ZSWIM5: variants seen among roughly 807,000 people sequenced by gnomAD.
ZSWIM5 encodes the protein zinc finger SWIM domain-containing protein 5.
A neutral mutation model predicts 119.6 loss-of-function variants in ZSWIM5; 55 were observed. The ratio of observed to expected loss-of-function variants is 0.46; its 90% CI spans 0.37 to 0.58. ZSWIM5 has a LOEUF of 0.58. Among genes scored for constraint, ZSWIM5 ranks in the 20% least tolerant of loss-of-function variants. The pLI is 0.00. For synonymous variants in ZSWIM5, 537 were observed against 606.9 expected, an observed-to-expected ratio of 0.88 and a Z score of 1.69; for missense variants, 1,193 against 1,512.8, an observed-to-expected ratio of 0.79 and a Z score of 3.51.
intron 1 of ZSWIM5, among the ~76,000 whole-genome samples, chr1:45,186,877 C>A (rs1350027843): frequency 6.6e-6 from 1 of 152,102 alleles, no homozygotes; most frequent in African/African-American, 2.4e-5. Context: ...CAGATGTGAG[C>A]CATCATACCT....
chr1:45,041,595 G>T (rs1464164342), intron 6 of ZSWIM5, among the ~76,000 whole-genome samples: 1 of 149,848 alleles, frequency 6.7e-6, no homozygotes, highest in Non-Finnish European at 1.5e-5. Context: ...GGAGTACAGT[G>T]GTGTGATCTC....
At chr1:45,167,579 C>A (rs1645914075) in intron 1 of ZSWIM5, among the ~76,000 whole-genome samples, 2 of 151,990 alleles carry the variant, frequency 1.3e-5, no homozygotes, top group African/African-American at 4.8e-5. Context: ...ACCCATCTGA[C>A]AAAGGGCTAA....
intron 1 of ZSWIM5, among the ~76,000 whole-genome samples, chr1:45,127,031 A>G (rs1201526463): frequency 6.6e-6 from 1 of 152,122 alleles, no homozygotes; most frequent in Non-Finnish European, 1.5e-5. Flanking sequence ...AACTACCTTT[A>G]CCCTGATACC....
intron 4 of ZSWIM5, 106 bp from the exon 5 acceptor site, chr1:45,051,359 T>C: frequency 1.7e-6 from 2 of 1,184,662 alleles, no homozygotes; most frequent in Non-Finnish European, 2.3e-6. Context: ...TTCCAAAGCA[T>C]TATCTTTTCT....
intron 1 of ZSWIM5, among the ~76,000 whole-genome samples, chr1:45,163,246 G>A (rs1011649705): frequency 1.3e-5 from 2 of 152,210 alleles, no homozygotes; most frequent in Non-Finnish European, 2.9e-5. Context: ...CAACAGACCT[G>A]CAGCTGAGGG....
intron 1 of ZSWIM5, among the ~76,000 whole-genome samples, chr1:45,177,313 T>C (rs1570183743): frequency 6.6e-6 from 1 of 152,294 alleles, no homozygotes; most frequent in East Asian, 1.9e-4. Context: ...TAAGAGTTGT[T>C]ATAGACTCTA....
At chr1:45,122,508 A>G (rs1299356738) in intron 1 of ZSWIM5, among the ~76,000 whole-genome samples, 7 of 152,212 alleles carry the variant, frequency 4.6e-5, no homozygotes, top group South Asian at 2.1e-4. Context: ...CATTATATAC[A>G]AAACAAACAT....
intron 1 of ZSWIM5, among the ~76,000 whole-genome samples, chr1:45,145,029 G>T (rs1645752016): frequency 6.6e-6 from 1 of 151,988 alleles, no homozygotes; most frequent in South Asian, 2.1e-4. Context: ...ACTCTGAAGA[G>T]AATATACAAA....
chr1:45,181,203 G>A (rs1021733852), intron 1 of ZSWIM5, among the ~76,000 whole-genome samples: 1 of 152,086 alleles, frequency 6.6e-6, no homozygotes, highest in African/African-American at 2.4e-5. Context: ...TTAGACGAAT[G>A]AATAACTAGA....
chr1:45,074,354 G>A (rs1327132478), intron 2 of ZSWIM5, among the ~76,000 whole-genome samples: 1 of 151,680 alleles, frequency 6.6e-6, no homozygotes, highest in African/African-American at 2.4e-5. Context: ...TGGGTCTCAG[G>A]CTTTTCATTA....
chr1:45,090,675 C>T (rs1645359687), intron 1 of ZSWIM5, among the ~76,000 whole-genome samples: 3 of 151,742 alleles, frequency 2.0e-5, no homozygotes, highest in African/African-American at 7.3e-5. Flanking sequence ...AATAAATAAG[C>T]AAGCTGGGTG....
chr1:45,069,388 T>C (rs1218414181), intron 2 of ZSWIM5, among the ~76,000 whole-genome samples: 1 of 150,418 alleles, frequency 6.6e-6, no homozygotes, highest in Admixed American at 6.6e-5. Flanking sequence ...ATCGTGCCAC[T>C]GCACTCCAGC....
At chr1:45,121,410 C>A in intron 1 of ZSWIM5, among the ~76,000 whole-genome samples, 1 of 152,136 alleles carries the variant, frequency 6.6e-6, no homozygotes, top group East Asian at 1.9e-4. Context: ...TCGCTGTCTC[C>A]TTTTATCCTC....
At chr1:45,040,688 A>G in intron 6 of ZSWIM5, 150 bp from the exon 7 acceptor site, 2 of 649,172 alleles carry the variant, frequency 3.1e-6, no homozygotes, top group South Asian at 3.4e-5. Flanking sequence ...ATCTTTAAGG[A>G]TATAAAAAGT....
chr1:45,196,033 A>AGTT (rs1646120218), intron 1 of ZSWIM5, among the ~76,000 whole-genome samples: 2 of 110,258 alleles, frequency 1.8e-5, no homozygotes, highest in Non-Finnish European at 3.9e-5. Context: ...ACACCCAGCT[A>AGTT]GTTTTTTTTT....
intron 1 of ZSWIM5, among the ~76,000 whole-genome samples, chr1:45,101,210 C>T (rs1645437867): frequency 6.6e-6 from 1 of 152,182 alleles, no homozygotes; most frequent in Non-Finnish European, 1.5e-5. Context: ...AAAAAAACGA[C>T]CCCATCAAAA....
chr1:45,097,279 T>G (rs923887692), intron 1 of ZSWIM5, among the ~76,000 whole-genome samples: 12 of 152,240 alleles, frequency 7.9e-5, no homozygotes, highest in South Asian at 4.1e-4. Flanking sequence ...ACCATTTTTC[T>G]GTTTGGACAT....
chr1:45,062,393 G>C (rs1464930064), intron 2 of ZSWIM5, among the ~76,000 whole-genome samples: 1 of 152,154 alleles, frequency 6.6e-6, no homozygotes, highest in Non-Finnish European at 1.5e-5. Context: ...GGAATTAGGA[G>C]GGCTCACATA....
intron 5 of ZSWIM5, among the ~76,000 whole-genome samples, chr1:45,047,491 G>A (rs1645062995): frequency 6.6e-6 from 1 of 152,166 alleles, no homozygotes; most frequent in Admixed American, 6.5e-5. Context: ...GGAGTCATGA[G>A]AGTGTTTTTT....
Sources: gnomAD v4.1 joint callset for allele counts (sites outside exome capture counted in the v4.1 genomes callset) on GRCh38, gnomAD v4.1.1 for gene constraint, MANE v1.5 for transcripts, NCBI Gene and HGNC (gene_info 2026-07-23, HGNC 2026-07-21) for gene names.